The following MFSD6 variants were observed in gnomAD, a reference collection of about 807,000 sequenced individuals.
MFSD6 encodes major facilitator superfamily domain containing 6.
A neutral mutation model predicts 56.3 loss-of-function variants in MFSD6; 26 were observed. That is an observed-to-expected ratio of 0.46 (90% CI 0.34 to 0.64). MFSD6 has a LOEUF of 0.64. Ranked by LOEUF, MFSD6 falls within the 30% of genes least tolerant of loss-of-function variation. The probability of loss-of-function intolerance (pLI) is 0.01; values close to 1 mark genes in which losing one functional copy is unlikely to be tolerated. For synonymous variants in MFSD6, 331 were observed against 366.9 expected, an observed-to-expected ratio of 0.90 and a Z score of 1.12; for missense variants, 750 against 986.2, an observed-to-expected ratio of 0.76 and a Z score of 3.21.
chr2:190,476,312 AC>A (rs1362719877), intron 4 of MFSD6, among the ~76,000 whole-genome samples: 3 of 152,216 alleles, frequency 2.0e-5, no homozygotes, highest in Admixed American at 6.5e-5. Context: ...TACTCATCTG[AC>A]AAAGGGCTAA....
chr2:190,474,523 T>C (rs1219371056), intron 4 of MFSD6, among the ~76,000 whole-genome samples: 1 of 152,140 alleles, frequency 6.6e-6, no homozygotes, highest in Non-Finnish European at 1.5e-5. Flanking sequence ...CAGGAAGAAG[T>C]TGAATCTCTG....
At chr2:190,466,537 CAA>C (rs950522104) in intron 3 of MFSD6, among the ~76,000 whole-genome samples, 59 of 152,150 alleles carry the variant, frequency 3.9e-4, no homozygotes, top group African/African-American at 1.4e-3. Flanking sequence ...TGTCAGAAAC[CAA>C]AGAGTATTTA....
Position 190,463,849 on chromosome 2 carries a change from A to G in MFSD6, c.1533-5909A>G, listed in dbSNP as rs1687459585. 6.2e-6 allele frequency: 6 copies of G among 975,438 alleles called. No homozygotes were observed. In the South Asian group the frequency reaches 2.4e-4, roughly 39 times the overall value. The allele number at this position is 975,438 out of a possible 1,614,324, so 60.4% of individuals were successfully genotyped here. On this transcript the variant is annotated intron_variant, in intron 3 of 7. Coordinates refer to ENST00000392328, the MANE Select transcript of MFSD6 (RefSeq NM_017694.4). The surrounding 1 kb of genome is among the most constrained non-coding windows in gnomAD (Gnocchi z 4.4). ...ATAAATAAATAAATAAAATAAAAATAAAAAGCTGAGAATGATGGAGCCCAA... is the reference window on the plus strand; with the variant it reads ...ATAAATAAATAAATAAAATAAAAATGAAAAGCTGAGAATGATGGAGCCCAA...
Position 190,501,341 on chromosome 2 carries a change from C to T in MFSD6, c.*1123C>T, listed in dbSNP as rs1340482403. On this transcript the variant is annotated 3_prime_UTR_variant, in exon 8 of 8. Transcript: ENST00000392328. Reference sequence around the variant, plus strand: ...TAAAGAAAGAAAATCTCAGTATATTCGTTCTCATGAAGACACAGTCAGACA... The same window carrying T: ...TAAAGAAAGAAAATCTCAGTATATTTGTTCTCATGAAGACACAGTCAGACA... The T allele has an allele frequency of 6.6e-6, 1 of 152,146 alleles. No homozygotes were observed. Among genetic ancestry groups the T allele is most frequent in the South Asian group, 2.1e-4 (1 of 4,832 alleles). 9.4% of individuals were successfully genotyped at this position (152,146 alleles called of 1,614,324 possible).
intron 3 of MFSD6, among the ~76,000 whole-genome samples, chr2:190,448,448 G>A (rs1011898767): frequency 6.6e-6 from 1 of 152,120 alleles, no homozygotes; most frequent in Non-Finnish European, 1.5e-5. Flanking sequence ...ATTCAATATG[G>A]TATAGTCATA....
In MFSD6 at chr2:190,500,114, G is replaced by T; in HGVS notation, c.2272G>T (p.Ala758Ser). Reference protein sequence around the residue: ...DPSRNQPSPDAAASQTQTSPA... With the variant: ...DPSRNQPSPDSAASQTQTSPA... The stretch of plus-strand genomic sequence containing the variant: ...ATCTAGAAACCAGCCATCCCCTGAC[G>T]CAGCAGCATCTCAGACGCAGACCAG... The change falls in exon 8 of 8, where the codon GCA becomes TCA. Residue 758 changes from alanine to serine, a missense_variant. Around this residue, in one of 5 missense-constraint regions of MFSD6, gnomAD observed 172 missense variants for 203.9 expected, o/e 0.84. Coordinates refer to ENST00000392328, the MANE Select transcript of MFSD6 (RefSeq NM_017694.4). The surrounding 1 kb of genome is among the most constrained non-coding windows in gnomAD (Gnocchi z 5.3). 1 of 1,614,154 alleles carries T rather than the reference G, an allele frequency of 6.2e-7. No homozygotes were observed. The highest frequency in any genetic ancestry group is 8.5e-7 in the Non-Finnish European group (1 of 1,180,038).
At position 190,439,265 on chromosome 2, in the gene MFSD6, A is replaced by T. The variant is rs1686286661; in HGVS notation, c.1532+1704A>T. Among the ~76,000 whole-genome samples the T allele has an allele frequency of 6.6e-6, 1 of 152,028 alleles. No homozygotes were observed. The highest frequency in any genetic ancestry group is 1.5e-5 in the Non-Finnish European group (1 of 68,018). ...CCAGTTAGGTCTTACCAATGCGTGG[A>T]GTTCTTAGACATCATTATTTAATAA... On this transcript the variant is annotated intron_variant, in intron 3 of 7. Transcript: ENST00000392328. This position sits in a 1 kb window ranked among gnomAD's most constrained non-coding sequence, Gnocchi z 5.8.
chr2:190,461,341 A>G lies in MFSD6; in HGVS notation c.1533-8417A>G, dbSNP rs1452540593. On this transcript the variant is annotated intron_variant, in intron 3 of 7. Transcript: ENST00000392328. This position sits in a 1 kb window ranked among gnomAD's most constrained non-coding sequence, Gnocchi z 5.5. ...AGGTATTTAGTAAAGTCTCTCTCCCACCCCTTGGGCAGTCCCCCAATTCCT... is the reference window on the plus strand; with the variant it reads ...AGGTATTTAGTAAAGTCTCTCTCCCGCCCCTTGGGCAGTCCCCCAATTCCT... Among the ~76,000 whole-genome samples, 3 of 152,040 alleles carry G rather than the reference A, an allele frequency of 2.0e-5. No homozygotes were observed. Among genetic ancestry groups the G allele is most frequent in the East Asian group, 1.9e-4 (1 of 5,194 alleles).
At position 190,437,055 on chromosome 2, in the gene MFSD6, G is replaced by A. The variant is rs1387876141; in HGVS notation, c.1026G>A (p.Val342=). 2 of 1,614,206 alleles carry A rather than the reference G, an allele frequency of 1.2e-6. No homozygotes were observed. Among genetic ancestry groups the A allele is most frequent in the Non-Finnish European group, 1.7e-6 (2 of 1,180,050 alleles). ...SLGWGLAMLS[V]GIGIDYTHIE... is the part of the protein sequence containing the mutation. ...GCTGGGGCCTGGCGATGCTGTCTGT[G>A]GGCATCGGGATCGACTACACCCACA... The change falls in exon 3 of 8, where the codon GTG becomes GTA. Residue 342 remains valine, a synonymous_variant. Transcript: ENST00000392328. The surrounding 1 kb of genome is among the most constrained non-coding windows in gnomAD (Gnocchi z 5.9).
rs1317943286 is a variant in MFSD6, at chr2:190,457,325, C to T, written c.1533-12433C>T. Among the ~76,000 whole-genome samples, 2 of 152,280 alleles carry T rather than the reference C, an allele frequency of 1.3e-5. No homozygotes were observed. Among genetic ancestry groups the T allele is most frequent in the East Asian group, 3.9e-4 (2 of 5,186 alleles). On this transcript the variant is annotated intron_variant, in intron 3 of 7. Coordinates refer to ENST00000392328, the MANE Select transcript of MFSD6 (RefSeq NM_017694.4). The surrounding 1 kb of genome is among the most constrained non-coding windows in gnomAD (Gnocchi z 5.1). ...CTGGATGCTATGGCTCCTTTCAGTT[C>T]TGACTCTAATGATCTAACTTTCTTC...
intron 3 of MFSD6, among the ~76,000 whole-genome samples, chr2:190,452,079 T>G (rs1236820472): frequency 6.7e-6 from 1 of 148,402 alleles, no homozygotes; most frequent in Admixed American, 6.7e-5. Flanking sequence ...AAGTTTTTTG[T>G]TTTTTTTTTC....
chr2:190,484,246 T>C (rs1399272242), intron 4 of MFSD6, among the ~76,000 whole-genome samples: 4 of 152,228 alleles, frequency 2.6e-5, no homozygotes, highest in African/African-American at 9.6e-5. Flanking sequence ...GTATTTTGAC[T>C]GTTTGATCTA....
Position 190,471,661 on chromosome 2 carries a change from C to G in MFSD6, c.1630+1806C>G, listed in dbSNP as rs1039490544. 3.3e-5 allele frequency among the ~76,000 whole-genome samples: 5 copies of G among 152,222 alleles called. No individual in the cohort carries two copies. The highest frequency in any genetic ancestry group is 4.4e-5 in the Non-Finnish European group (3 of 68,026). The stretch of plus-strand genomic sequence containing the variant: ...CTGCCTGCCTCAGTAAACTCCACCT[C>G]TGGGGGCAGAGCATAGCCAAACAAA... On this transcript the variant is annotated intron_variant, in intron 4 of 7. Transcript: ENST00000392328. The surrounding 1 kb of genome is among the most constrained non-coding windows in gnomAD (Gnocchi z 4.7).
Position 190,485,897 on chromosome 2 carries a change from C to T in MFSD6, c.1631-2760C>T, listed in dbSNP as rs1688983993. ...GTTTCTTAGTCAACTGTGAGGCATA[C>T]AATCTAATGTACCCAGTAAAAACAG... On this transcript the variant is annotated intron_variant, in intron 4 of 7. Coordinates refer to ENST00000392328, the MANE Select transcript of MFSD6 (RefSeq NM_017694.4). This position sits in a 1 kb window ranked among gnomAD's most constrained non-coding sequence, Gnocchi z 5.1. Among the ~76,000 whole-genome samples the T allele has an allele frequency of 6.6e-6, 1 of 151,920 alleles. No individual in the cohort carries two copies. Among genetic ancestry groups the T allele is most frequent in the South Asian group, 2.1e-4 (1 of 4,820 alleles).
At chr2:190,482,909 G>T in intron 4 of MFSD6, among the ~76,000 whole-genome samples, 1 of 25,046 alleles carries the variant, frequency 4.0e-5, no homozygotes, top group South Asian at 1.2e-3. Context: ...TTTTTAGACG[G>T]AGTCTCACTC....
Position 190,465,425 on chromosome 2 carries a change from CT to C in MFSD6, c.1533-4324del, listed in dbSNP as rs141952123. On this transcript the variant is annotated intron_variant, in intron 3 of 7. Coordinates refer to ENST00000392328, the MANE Select transcript of MFSD6 (RefSeq NM_017694.4). This position sits in a 1 kb window ranked among gnomAD's most constrained non-coding sequence, Gnocchi z 4.6. ...TAGGTATCTATATCTCGTGGAGAGA[CT>C]TTTTTTTTCAGTGTCTTGTATTTCC... Among the ~76,000 whole-genome samples the C allele has an allele frequency of 0.14, 21,200 of 150,974 alleles. 1,774 individuals are homozygous for C. Among genetic ancestry groups the C allele is most frequent in the Middle Eastern group, 0.22 (64 of 294 alleles).
At chr2:190,435,123 A>G (rs149021638) in intron 2 of MFSD6, among the ~76,000 whole-genome samples, 40 of 152,302 alleles carry the variant, frequency 2.6e-4, no homozygotes, top group African/African-American at 9.6e-4. Flanking sequence ...TGGTGCCAAA[A>G]TGGTTGGGGA....
chr2:190,408,080 G>T (rs1045865084), upstream of MFSD6, among the ~76,000 whole-genome samples: 1 of 151,966 alleles, frequency 6.6e-6, no homozygotes, highest in African/African-American at 2.4e-5. Flanking sequence ...CCGCCGGGGC[G>T]GGCTGGAGGC....
chr2:190,470,852 C>G (rs1273550749), intron 4 of MFSD6, among the ~76,000 whole-genome samples: 1 of 151,796 alleles, frequency 6.6e-6, no homozygotes, highest in Non-Finnish European at 1.5e-5. Flanking sequence ...AGAACTTATC[C>G]TAATTGAAAG....
Sources: allele counts gnomAD v4.1 joint callset (sites outside exome capture counted in the v4.1 genomes callset), GRCh38; gene constraint gnomAD v4.1.1; regional missense constraint gnomAD v4.1.1; non-coding constraint Gnocchi (gnomAD v3.1); transcripts MANE v1.5; gene names NCBI Gene and HGNC (gene_info 2026-07-23, HGNC 2026-07-21).